The following CHIC2 variants were observed in gnomAD, a reference collection of about 807,000 sequenced individuals.
CHIC2 encodes cysteine-rich hydrophobic domain-containing protein 2.
CHIC2 carries 14 observed loss-of-function variants against 25.9 expected under a neutral mutation model. The ratio of observed to expected loss-of-function variants is 0.54; its 90% CI spans 0.36 to 0.85. The LOEUF (loss-of-function observed/expected upper bound fraction) is 0.85, where lower values mean the gene tolerates loss of function less well. Among genes scored for constraint, CHIC2 ranks in the 40% least tolerant of loss-of-function variants. The probability of loss-of-function intolerance (pLI) is 0.01; values close to 1 mark genes in which losing one functional copy is unlikely to be tolerated. For synonymous variants in CHIC2, 70 were observed against 72.0 expected, an observed-to-expected ratio of 0.97 and a Z score of 0.14; for missense variants, 146 against 202.0, an observed-to-expected ratio of 0.72 and a Z score of 1.68.
the CHIC2 span, among the ~76,000 whole-genome samples, chr4:54,078,913 G>A: frequency 1.3e-5 from 2 of 151,824 alleles, no homozygotes; most frequent in African/African-American, 4.8e-5. Flanking sequence ...TTCCATGTTA[G>A]TGTTAAAACT....
At chr4:54,014,505 C>T (rs192075580) in intron 3 of CHIC2, among the ~76,000 whole-genome samples, 3 of 151,958 alleles carry the variant, frequency 2.0e-5, no homozygotes, top group African/African-American at 7.2e-5. Flanking sequence ...TAACAAAATG[C>T]AAATGGCCTT....
intron 3 of CHIC2, among the ~76,000 whole-genome samples, chr4:54,047,441 C>G (rs1716865696): frequency 6.6e-6 from 1 of 152,050 alleles, no homozygotes; most frequent in African/African-American, 2.4e-5. Flanking sequence ...AAATGTGGCA[C>G]ATATACACCA....
At chr4:54,031,613 T>C (rs1716231235) in intron 3 of CHIC2, among the ~76,000 whole-genome samples, 1 of 129,898 alleles carries the variant, frequency 7.7e-6, no homozygotes, top group African/African-American at 3.0e-5. Flanking sequence ...TGTACTTGCT[T>C]TTTTTTTTTT....
intron 3 of CHIC2, among the ~76,000 whole-genome samples, chr4:54,041,519 G>A (rs1716577341): frequency 6.6e-6 from 1 of 151,960 alleles, no homozygotes; most frequent in Admixed American, 6.6e-5. Flanking sequence ...GACTGAACAG[G>A]ACCTGCACCT....
At chr4:54,021,833 A>G (rs769668583) in intron 3 of CHIC2, among the ~76,000 whole-genome samples, 4 of 152,062 alleles carry the variant, frequency 2.6e-5, no homozygotes, top group Non-Finnish European at 4.4e-5. Flanking sequence ...CACTCCCAAC[A>G]TTAAAAAAAG....
chr4:54,030,561 C>CACACAT (rs1553885015), intron 3 of CHIC2, among the ~76,000 whole-genome samples: 1 of 144,552 alleles, frequency 6.9e-6, no homozygotes, highest in African/African-American at 2.6e-5. Context: ...TGTATACACA[C>CACACAT]ACACACACAC....
Position 54,022,686 on chromosome 4 carries a change from C to A in CHIC2, c.331-8567G>T, listed in dbSNP as rs143996381. Reference sequence around the variant, plus strand: ...CACATCTTCCTCTTGTATCCCTCCACCTTAACGCACAGGTACGGGACACCT... The same window carrying A: ...CACATCTTCCTCTTGTATCCCTCCAACTTAACGCACAGGTACGGGACACCT... On this transcript the variant is annotated intron_variant, in intron 3 of 5. Transcript: ENST00000263921. Among the ~76,000 whole-genome samples, 750 of 152,180 alleles carry A rather than the reference C, an allele frequency of 4.9e-3. 5 individuals carry two copies. The highest frequency in any genetic ancestry group is 0.017 in the African/African-American group (685 of 41,494).
the CHIC2 span, chr4:54,076,587 C>T: frequency 6.6e-6 from 1 of 152,186 alleles, no homozygotes; most frequent in African/African-American, 2.4e-5. Flanking sequence ...CTCCATCAGC[C>T]AGGAAGGACA....
the CHIC2 span, among the ~76,000 whole-genome samples, chr4:54,083,566 C>A: frequency 2.0e-5 from 3 of 152,128 alleles, no homozygotes; most frequent in Non-Finnish European, 4.4e-5. Flanking sequence ...AACCCAAGTC[C>A]CCACTGACCC....
At chr4:54,089,392 C>CATATATATATATATATATAT in the CHIC2 span, among the ~76,000 whole-genome samples, 67 of 145,164 alleles carry the variant, frequency 4.6e-4, no homozygotes, top group African/African-American at 1.5e-3. Flanking sequence ...CACCACATTC[C>CATATATATATATATATATAT]ATATATATAT....
chr4:54,023,301 C>T (rs962613782), intron 3 of CHIC2, among the ~76,000 whole-genome samples: 10 of 152,138 alleles, frequency 6.6e-5, no homozygotes, highest in Non-Finnish European at 1.3e-4. Context: ...CAGAGGCTGC[C>T]GCCGCTCTAA....
At position 54,029,754 on chromosome 4, in the gene CHIC2, T is replaced by G. The variant is rs191745972; in HGVS notation, c.331-15635A>C. 9.9e-4 allele frequency among the ~76,000 whole-genome samples: 151 copies of G among 152,342 alleles called. 1 individual carries two copies. Among genetic ancestry groups the G allele is most frequent in the Admixed American group, 5.4e-3 (83 of 15,298 alleles). On this transcript the variant is annotated intron_variant, in intron 3 of 5. Coordinates refer to ENST00000263921, the MANE Select transcript of CHIC2 (RefSeq NM_012110.4). ...TCCCAAACACAGAGTAAATCAGTTCTGAAAGTTTTGGATAATTTTTAATAC... is the reference window on the plus strand; with the variant it reads ...TCCCAAACACAGAGTAAATCAGTTCGGAAAGTTTTGGATAATTTTTAATAC...
At chr4:54,011,243 G>A (rs756788567) in intron 5 of CHIC2, among the ~76,000 whole-genome samples, 1 of 151,974 alleles carries the variant, frequency 6.6e-6, no homozygotes, top group African/African-American at 2.4e-5. Context: ...CCTGGCTTTT[G>A]ATCTGCCTCA....
intron 5 of CHIC2, 69 bp downstream of exon 5, chr4:54,013,768 A>T: frequency 1.3e-6 from 2 of 1,485,924 alleles, no homozygotes; most frequent in South Asian, 1.2e-5. Flanking sequence ...AATCATGGAA[A>T]GAATAAGATC....
intron 1 of CHIC2, among the ~76,000 whole-genome samples, chr4:54,059,021 A>C (rs1209988545): frequency 6.6e-6 from 1 of 152,150 alleles, no homozygotes; most frequent in African/African-American, 2.4e-5. Context: ...TGTCATATAA[A>C]TTCTCAAATT....
At chr4:54,017,431 CA>C (rs1715769278) in intron 3 of CHIC2, among the ~76,000 whole-genome samples, 1 of 152,100 alleles carries the variant, frequency 6.6e-6, no homozygotes, top group African/African-American at 2.4e-5. Flanking sequence ...TTGTGAAAAG[CA>C]CCAGATTGAT....
At chr4:54,080,159 T>C in the CHIC2 span, among the ~76,000 whole-genome samples, 1 of 140,408 alleles carries the variant, frequency 7.1e-6, no homozygotes, top group Non-Finnish European at 1.6e-5. Flanking sequence ...TGTATATGTA[T>C]GTGTATATAT....
chr4:54,043,478 A>G (rs1239239501), intron 3 of CHIC2, among the ~76,000 whole-genome samples: 1 of 152,046 alleles, frequency 6.6e-6, no homozygotes, highest in African/African-American at 2.4e-5. Flanking sequence ...TACAAGCCAG[A>G]AGAGAGTGGG....
chr4:54,086,622 A>G, the CHIC2 span, among the ~76,000 whole-genome samples: 1 of 152,208 alleles, frequency 6.6e-6, no homozygotes, highest in East Asian at 1.9e-4. Context: ...TAGAGCATGG[A>G]AAAGGGATTG....
Sources: gnomAD v4.1 joint callset for allele counts (sites outside exome capture counted in the v4.1 genomes callset) on GRCh38, gnomAD v4.1.1 for gene constraint, MANE v1.5 for transcripts, NCBI Gene and HGNC (gene_info 2026-07-23, HGNC 2026-07-21) for gene names.